ATG10: variants seen among roughly 807,000 people sequenced by gnomAD.
ATG10 encodes ubiquitin-like-conjugating enzyme ATG10.
ATG10 carries 30 observed loss-of-function variants against 32.1 expected under a neutral mutation model. The observed-to-expected ratio is 0.94, with a 90% CI of 0.70 to 1.27. The LOEUF is 1.27. Among genes scored for constraint, ATG10 ranks in the 50% most tolerant of loss-of-function variants. ATG10 has a pLI of 0.00. For synonymous variants in ATG10, 87 were observed against 91.5 expected, an observed-to-expected ratio of 0.95 and a Z score of 0.28; for missense variants, 233 against 262.3, an observed-to-expected ratio of 0.89 and a Z score of 0.77.
At chr5:82,253,041 G>A (rs181457087) in intron 6 of ATG10, among the ~76,000 whole-genome samples, 1 of 152,160 alleles carries the variant, frequency 6.6e-6, no homozygotes, top group Admixed American at 6.5e-5. Flanking sequence ...AAACTGTAAG[G>A]GTAAAATTTG....
intron 2 of ATG10, among the ~76,000 whole-genome samples, chr5:81,987,891 T>C (rs1273009557): frequency 6.6e-6 from 1 of 152,220 alleles, no homozygotes; most frequent in Admixed American, 6.5e-5. Context: ...TAATGAAGTA[T>C]TATTTTGAAA....
chr5:81,987,795 A>G, intron 2 of ATG10, 117 bp downstream of exon 2: 1 of 695,842 alleles, frequency 1.4e-6, no homozygotes, highest in Non-Finnish European at 2.4e-6. Context: ...AACTGGTTTG[A>G]TTTAGTAAAA....
intron 3 of ATG10, among the ~76,000 whole-genome samples, chr5:82,059,994 A>T (rs561923474): frequency 6.6e-6 from 1 of 152,224 alleles, no homozygotes; most frequent in South Asian, 2.1e-4. Flanking sequence ...TTAAAAATGA[A>T]TTACTAGTTT....
intron 5 of ATG10, among the ~76,000 whole-genome samples, chr5:82,217,070 C>T (rs932848407): frequency 4.7e-5 from 7 of 150,174 alleles, no homozygotes; most frequent in African/African-American, 1.7e-4. Flanking sequence ...AAAAAAATGA[C>T]GATGGTAGCA....
chr5:82,249,343 T>C (rs1207735321), intron 5 of ATG10, among the ~76,000 whole-genome samples: 1 of 152,202 alleles, frequency 6.6e-6, no homozygotes, highest in Non-Finnish European at 1.5e-5. Context: ...TCCTAAACAC[T>C]TAGATACTGG....
At chr5:82,161,223 T>C (rs1743326264) in intron 3 of ATG10, among the ~76,000 whole-genome samples, 1 of 152,144 alleles carries the variant, frequency 6.6e-6, no homozygotes, top group African/African-American at 2.4e-5. Flanking sequence ...TGCAGAAATG[T>C]CACTGCATGT....
intron 3 of ATG10, chr5:82,073,103 A>T (rs1375547979): frequency 1.3e-5 from 2 of 152,182 alleles, no homozygotes; most frequent in Non-Finnish European, 2.9e-5. Context: ...TCTATGTGAG[A>T]GCATCCACTG....
chr5:82,028,629 T>G (rs1019990195), intron 2 of ATG10, among the ~76,000 whole-genome samples: 2 of 152,232 alleles, frequency 1.3e-5, no homozygotes, highest in Non-Finnish European at 2.9e-5. Context: ...CTTATGTCTG[T>G]TTTCAGTTTT....
chr5:82,097,806 A>G lies in ATG10; in HGVS notation c.216+39204A>G, dbSNP rs578164981. On this transcript the variant is annotated intron_variant, in intron 3 of 7. Transcript: ENST00000282185. ...GGGGTGTCATTTACCGTACCCCAAA[A>G]GCAATGTGTCTGAAAGAAATAATTC... 5.9e-5 allele frequency among the ~76,000 whole-genome samples: 9 copies of G among 152,362 alleles called. No homozygotes were observed. The South Asian group carries it at 6.2e-4, about 11-fold the overall frequency.
At chr5:82,186,387 C>G (rs1744443146) in intron 5 of ATG10, among the ~76,000 whole-genome samples, 1 of 152,152 alleles carries the variant, frequency 6.6e-6, no homozygotes, top group Admixed American at 6.5e-5. Flanking sequence ...TTCTGCCACA[C>G]TTTATTGTCT....
rs1276179456 is a variant in ATG10, at chr5:81,994,076, C to T, written c.108+6398C>T. Among the ~76,000 whole-genome samples the T allele has an allele frequency of 2.0e-5, 3 of 152,220 alleles. No individual in the cohort carries two copies. In the East Asian group the frequency reaches 5.8e-4, roughly 29 times the overall value. On this transcript the variant is annotated intron_variant, in intron 2 of 7. Transcript: ENST00000282185. ...AGGACCATATAGCTTCTCACCTGAA[C>T]CATTTCAATGGCCTGACAACTCTTC... is the stretch of plus-strand genomic sequence containing the variant.
chr5:82,057,303 G>A (rs1314628994), intron 2 of ATG10, among the ~76,000 whole-genome samples: 1 of 152,096 alleles, frequency 6.6e-6, no homozygotes, highest in African/African-American at 2.4e-5. Context: ...CCACAAACTG[G>A]GTGACTTAAA....
chr5:82,241,261 C>T (rs1038698275), intron 5 of ATG10, among the ~76,000 whole-genome samples: 1 of 152,220 alleles, frequency 6.6e-6, no homozygotes. Flanking sequence ...CTTCCGCACA[C>T]TACTGTTGCC....
intron 5 of ATG10, among the ~76,000 whole-genome samples, chr5:82,213,755 C>T (rs1298370325): frequency 6.6e-6 from 1 of 152,124 alleles, no homozygotes; most frequent in Non-Finnish European, 1.5e-5. Context: ...GTCTTTTATG[C>T]CTTCAATAAG....
chr5:82,250,502 T>C (rs1231890449), intron 5 of ATG10, among the ~76,000 whole-genome samples: 7 of 152,188 alleles, frequency 4.6e-5, no homozygotes, highest in African/African-American at 1.4e-4. Flanking sequence ...CCCCACATGA[T>C]AGGAAAAGAG....
chr5:81,978,561 T>G (rs1760936126), intron 1 of ATG10, among the ~76,000 whole-genome samples: 2 of 152,214 alleles, frequency 1.3e-5, no homozygotes, highest in Non-Finnish European at 2.9e-5. Context: ...ACATTTTTTC[T>G]TATGTGCTTG....
intron 3 of ATG10, among the ~76,000 whole-genome samples, chr5:82,078,020 A>G (rs1000910263): frequency 6.6e-6 from 1 of 152,136 alleles, no homozygotes; most frequent in African/African-American, 2.4e-5. Flanking sequence ...AAAAATACTG[A>G]CTTTCTAACT....
intron 3 of ATG10, among the ~76,000 whole-genome samples, chr5:82,141,807 C>G (rs1767159085): frequency 6.6e-6 from 1 of 151,694 alleles, no homozygotes; most frequent in Non-Finnish European, 1.5e-5. Context: ...GTTACACACA[C>G]ATACACACAT....
At chr5:82,010,440 G>A (rs1762098669) in intron 2 of ATG10, among the ~76,000 whole-genome samples, 2 of 152,164 alleles carry the variant, frequency 1.3e-5, no homozygotes, top group South Asian at 4.1e-4. Context: ...TCCCTTTTAG[G>A]AACATGCTAG....
Sources: allele counts gnomAD v4.1 joint callset (sites outside exome capture counted in the v4.1 genomes callset), GRCh38; gene constraint gnomAD v4.1.1; transcripts MANE v1.5; gene names NCBI Gene and HGNC (gene_info 2026-07-23, HGNC 2026-07-21).